Variants in DNAJC1 observed in about 807,000 individuals in gnomAD.
DNAJC1 encodes the protein dnaJ homolog subfamily C member 1.
In DNAJC1, 58 loss-of-function variants were observed where a neutral mutation model predicts 76.6. That is an observed-to-expected ratio of 0.76 (90% CI 0.61 to 0.94). The LOEUF (loss-of-function observed/expected upper bound fraction) is 0.94, where lower values mean the gene tolerates loss of function less well. Among genes scored for constraint, DNAJC1 ranks in the 40% least tolerant of loss-of-function variants. The probability of loss-of-function intolerance (pLI) is 0.00; values close to 1 mark genes in which losing one functional copy is unlikely to be tolerated. For missense variants in DNAJC1, 689 were observed against 677.3 expected (o/e 1.02, Z -0.19); for synonymous variants, 258 against 267.9 (o/e 0.96, Z 0.36).
intron 8 of DNAJC1, among the ~76,000 whole-genome samples, chr10:21,839,824 T>G (rs1273992863): frequency 1.3e-5 from 2 of 152,184 alleles, no homozygotes; most frequent in Non-Finnish European, 2.9e-5. Context: ...ACCAATATCC[T>G]TGATGAACAT....
rs529885111 is a variant in DNAJC1 at position 21,874,432 on chromosome 10, T to TA, written c.978+7849dup. Among the ~76,000 whole-genome samples the TA allele has an allele frequency of 7.3e-3, 940 of 129,194 alleles. 2 individuals are homozygous for TA. The highest frequency in any genetic ancestry group is 0.015 in the South Asian group (60 of 4,088). The allele number at this position is 129,194 out of a possible 152,430, so 84.8% of individuals were successfully genotyped here. A position where few individuals can be genotyped will look rare whatever the true frequency, so the allele number is the denominator to read the frequency against. ...AGCAAACAGAGTAAGACCTGGTCTG[T>TA]AAAAAAAAAAAAAAAGAGAGAGATG... On this transcript the variant is annotated intron_variant, in intron 8 of 11. Coordinates refer to ENST00000376980, the MANE Select transcript of DNAJC1 (RefSeq NM_022365.4).
At chr10:21,822,180 C>T (rs1027083579) in intron 8 of DNAJC1, among the ~76,000 whole-genome samples, 2 of 152,130 alleles carry the variant, frequency 1.3e-5, no homozygotes, top group Non-Finnish European at 2.9e-5. Context: ...GGCACAGTGG[C>T]TCACACCCAT....
At chr10:21,931,940 T>G (rs1837231669) in intron 1 of DNAJC1, among the ~76,000 whole-genome samples, 1 of 152,224 alleles carries the variant, frequency 6.6e-6, no homozygotes, top group Admixed American at 6.5e-5. Context: ...GATATGGCTC[T>G]TTGGCAAGCT....
intron 8 of DNAJC1, among the ~76,000 whole-genome samples, chr10:21,832,271 T>C (rs2131669316): frequency 6.6e-6 from 1 of 152,340 alleles, no homozygotes; most frequent in African/African-American, 2.4e-5. Context: ...ATTCCTTTTC[T>C]GGTTCTGATT....
chr10:21,849,388 A>G (rs879872881), intron 8 of DNAJC1, among the ~76,000 whole-genome samples: 2 of 151,614 alleles, frequency 1.3e-5, no homozygotes, highest in Admixed American at 6.6e-5. Context: ...AGGAAGTAGA[A>G]AAAGGAGATC....
At chr10:21,770,395 C>CTTTTTTTTTTTTTT (rs34881959) in intron 9 of DNAJC1, among the ~76,000 whole-genome samples, 1 of 107,568 alleles carries the variant, frequency 9.3e-6, no homozygotes, top group Non-Finnish European at 1.8e-5. Context: ...TTTTTTTCTT[C>CTTTTTTTTTTTTTT]TTTTTTTTTT....
intron 6 of DNAJC1, among the ~76,000 whole-genome samples, chr10:21,911,101 A>C (rs967990196): frequency 3.4e-4 from 50 of 148,648 alleles, no homozygotes; most frequent in East Asian, 1.2e-3. Context: ...GGAAGGCGGG[A>C]AGGCGGGCAG....
At chr10:21,873,554 C>T (rs1490089272) in intron 8 of DNAJC1, among the ~76,000 whole-genome samples, 1 of 152,070 alleles carries the variant, frequency 6.6e-6, no homozygotes, top group African/African-American at 2.4e-5. Context: ...AAGATATTCT[C>T]AGTAAAATAA....
At chr10:21,848,618 A>T (rs1467759007) in intron 8 of DNAJC1, among the ~76,000 whole-genome samples, 1 of 152,224 alleles carries the variant, frequency 6.6e-6, no homozygotes. Flanking sequence ...TTTGAATAAC[A>T]TTATAAACCA....
At chr10:21,953,722 C>T (rs192140325) in intron 1 of DNAJC1, among the ~76,000 whole-genome samples, 3 of 149,696 alleles carry the variant, frequency 2.0e-5, no homozygotes, top group East Asian at 2.0e-4. Flanking sequence ...TTTGTACCTA[C>T]GCTTTTGTTA....
intron 8 of DNAJC1, among the ~76,000 whole-genome samples, chr10:21,872,878 A>G (rs564300963): frequency 6.6e-6 from 1 of 152,306 alleles, no homozygotes; most frequent in South Asian, 2.1e-4. Flanking sequence ...TCTTACACCC[A>G]ATTTCTGCCT....
At chr10:21,998,300 G>T (rs1838451896) in intron 1 of DNAJC1, among the ~76,000 whole-genome samples, 1 of 144,610 alleles carries the variant, frequency 6.9e-6, no homozygotes, top group Non-Finnish European at 1.5e-5. Flanking sequence ...TGAGGCAGGA[G>T]AATCGCGTGA....
chr10:21,801,403 T>C (rs543388929), intron 9 of DNAJC1, among the ~76,000 whole-genome samples: 50 of 152,100 alleles, frequency 3.3e-4, no homozygotes, highest in African/African-American at 1.2e-3. Context: ...CACTGATCAT[T>C]AGAGAAATGC....
chr10:21,902,569 T>C (rs1486662298), intron 7 of DNAJC1, among the ~76,000 whole-genome samples: 1 of 152,162 alleles, frequency 6.6e-6, no homozygotes, highest in East Asian at 1.9e-4. Context: ...CCTCCCAAAA[T>C]GCTGGGATTA....
chr10:21,790,171 G>A (rs1834666321), intron 9 of DNAJC1, among the ~76,000 whole-genome samples: 1 of 147,798 alleles, frequency 6.8e-6, no homozygotes. Flanking sequence ...AAAAAAAAAA[G>A]CTTACAAGAC....
chr10:21,759,298 C>T lies in DNAJC1; in HGVS notation c.1468G>A (p.Ala490Thr). ...GTCCACGGCTCCTCTGCAGACCGAG[C>T]TCTCTCTTTTCTCAGGCTCTCCTCG... ...SDEESLRKER[A>T]RSAEEPWTQN... is the part of the protein sequence containing the mutation. The change falls in exon 11 of 12, where the codon GCT becomes ACT. Residue 490 changes from alanine (A) to threonine (T), a missense_variant. Physicochemically the swap from Ala to Thr is moderately conservative, Grantham distance 58. Transcript: ENST00000376980. 6.2e-7 allele frequency: 1 copy of T among 1,614,210 alleles called. No individual in the cohort carries two copies. Among genetic ancestry groups the T allele is most frequent in the Non-Finnish European group, 8.5e-7 (1 of 1,180,036 alleles).
At chr10:21,771,656 C>A (rs571382092) in intron 9 of DNAJC1, among the ~76,000 whole-genome samples, 1 of 152,240 alleles carries the variant, frequency 6.6e-6, no homozygotes, top group South Asian at 2.1e-4. Context: ...TGCCACCACA[C>A]CTGGCTATAT....
At chr10:21,926,307 T>C (rs1377957204) in intron 3 of DNAJC1, among the ~76,000 whole-genome samples, 2 of 151,986 alleles carry the variant, frequency 1.3e-5, no homozygotes, top group South Asian at 4.2e-4. Flanking sequence ...TGTTAATTTA[T>C]CAATTTAACT....
chr10:21,962,459 CTTTTTTTTTT>C (rs34817098), intron 1 of DNAJC1, among the ~76,000 whole-genome samples: 4 of 39,890 alleles, frequency 1.0e-4, no homozygotes, highest in Admixed American at 4.3e-4. Context: ...TATTTTATTG[CTTTTTTTTTT>C]TTTTTTTTTT....
Sources: allele counts gnomAD v4.1 joint callset (sites outside exome capture counted in the v4.1 genomes callset), GRCh38; gene constraint gnomAD v4.1.1; transcripts MANE v1.5; gene names NCBI Gene and HGNC (gene_info 2026-07-23, HGNC 2026-07-21).